The following RPH3AL variants were observed in gnomAD, a reference collection of about 807,000 sequenced individuals.
RPH3AL encodes rabphilin 3A like (without C2 domains), also known as rab effector Noc2.
Under a neutral mutation model 43.1 loss-of-function variants are expected in RPH3AL, and 38 were observed. The ratio of observed to expected loss-of-function variants is 0.88; its 90% CI spans 0.68 to 1.15. RPH3AL has a LOEUF of 1.15. RPH3AL is among the 50% of genes most tolerant of loss of function. RPH3AL has a pLI of 0.00. For synonymous variants in RPH3AL, 189 were observed against 176.3 expected (o/e 1.07, Z -0.57); for missense variants, 462 against 423.2 (o/e 1.09, Z -0.81).
At chr17:269,732 G>T (rs763730746) in intron 6 of RPH3AL, among the ~76,000 whole-genome samples, 1 of 152,234 alleles carries the variant, frequency 6.6e-6, no homozygotes, top group African/African-American at 2.4e-5. Context: ...TGCTATGAAC[G>T]ATGGGAGTCC....
intron 7 of RPH3AL, among the ~76,000 whole-genome samples, chr17:228,636 T>C (rs954274104): frequency 1.3e-5 from 2 of 152,178 alleles, no homozygotes; most frequent in Admixed American, 6.5e-5. Context: ...GGACACAGGA[T>C]GCCTTCAGAA....
intron 3 of RPH3AL, among the ~76,000 whole-genome samples, chr17:327,019 G>A (rs901410211): frequency 2.0e-5 from 3 of 152,198 alleles, no homozygotes; most frequent in Admixed American, 6.5e-5. Context: ...TTGTTCCCCC[G>A]TCTGACAGTG....
At chr17:331,803 G>A in intron 2 of RPH3AL, 1 of 1,289,084 alleles carries the variant, frequency 7.8e-7, no homozygotes, top group African/African-American at 1.5e-5. Flanking sequence ...TTAAAAGCAG[G>A]GTCCTGAAAA....
rs576312448 is a variant in RPH3AL at position 332,856 on chromosome 17, C to T, written c.-37+903G>A. The T allele has an allele frequency of 5.0e-5, 24 of 478,202 alleles. No homozygotes were observed. In the East Asian group the frequency reaches 5.7e-4, roughly 11 times the overall value. The allele number at this position is 478,202 out of a possible 1,614,324, so 29.6% of individuals were successfully genotyped here. On this transcript the variant is annotated intron_variant, in intron 2 of 9. Transcript: ENST00000331302. ...ACACACGCTGAGCAGAGGCAGCACT[C>T]GGGCTGGCCGGCCCAGCAGGCAGAT...
intron 8 of RPH3AL, among the ~76,000 whole-genome samples, chr17:219,055 G>A (rs1429776641): frequency 6.6e-6 from 1 of 152,098 alleles, no homozygotes; most frequent in East Asian, 1.9e-4. Context: ...ACCCTGCTGT[G>A]TGTACAGAAG....
In RPH3AL at chr17:243,161, A is replaced by C. The variant is rs1334651953; in HGVS notation, c.613+3950T>G. ...ACTGATTGCCCCTCCTCTATTGATT[A>C]CCTTCCTCTATTGATTACCCTTCCT... On this transcript the variant is annotated intron_variant, in intron 7 of 9. Coordinates refer to ENST00000331302, the MANE Select transcript of RPH3AL (RefSeq NM_006987.4). Among the ~76,000 whole-genome samples the C allele has an allele frequency of 6.5e-4, 73 of 111,756 alleles. 1 individual carries two copies. Among genetic ancestry groups the C allele is most frequent in the South Asian group, 1.3e-3 (4 of 3,024 alleles). The allele number at this position is 111,756 out of a possible 152,430, so 73.3% of individuals were successfully genotyped here. A position where few individuals can be genotyped will look rare whatever the true frequency, so the allele number is the denominator to read the frequency against.
At position 215,009 on chromosome 17, in the gene RPH3AL, C is replaced by A. The variant is rs776172074; in HGVS notation, c.876+645G>T. On this transcript the variant is annotated intron_variant, in intron 9 of 9. Transcript: ENST00000331302. This position sits in a 1 kb window ranked among gnomAD's most constrained non-coding sequence, Gnocchi z 4.1. ...TGGGGAAGGAGAGAGGTGCGGCAGG[C>A]GTTCCTGTGGGTGGCTGCCGGGTGC... is the stretch of plus-strand genomic sequence containing the variant. 1.6e-4 allele frequency among the ~76,000 whole-genome samples: 25 copies of A among 152,256 alleles called. No individual in the cohort carries two copies. The highest frequency in any genetic ancestry group is 3.4e-3 in the Middle Eastern group (1 of 294).
At chr17:249,094 C>G (rs781976604) in intron 6 of RPH3AL, among the ~76,000 whole-genome samples, 1 of 152,106 alleles carries the variant, frequency 6.6e-6, no homozygotes, top group Non-Finnish European at 1.5e-5. Flanking sequence ...GAGTTAAGGT[C>G]CCTAAATTTG....
In RPH3AL at chr17:225,015, A is replaced by G. The variant is rs1430308939; in HGVS notation, c.614-5279T>C. 1.3e-5 allele frequency among the ~76,000 whole-genome samples: 2 copies of G among 151,784 alleles called. No individual in the cohort carries two copies. The highest frequency in any genetic ancestry group is 4.8e-5 in the African/African-American group (2 of 41,284). ...GCGTTAGGAGATATACCTAATGTAAATGACGAGTTAATGGGTGCAGCACAC... is the reference window on the plus strand; with the variant it reads ...GCGTTAGGAGATATACCTAATGTAAGTGACGAGTTAATGGGTGCAGCACAC... On this transcript the variant is annotated intron_variant, in intron 7 of 9. Coordinates refer to ENST00000331302, the MANE Select transcript of RPH3AL (RefSeq NM_006987.4). This position sits in a 1 kb window ranked among gnomAD's most constrained non-coding sequence, Gnocchi z 4.4.
At chr17:262,777 G>T (rs1180211477) in intron 6 of RPH3AL, among the ~76,000 whole-genome samples, 1 of 152,136 alleles carries the variant, frequency 6.6e-6, no homozygotes, top group Non-Finnish European at 1.5e-5. Context: ...TATTCCCCCT[G>T]CCCTAAATCA....
intron 2 of RPH3AL, among the ~76,000 whole-genome samples, chr17:327,818 A>AGG (rs1481878377): frequency 6.6e-6 from 1 of 152,212 alleles, no homozygotes; most frequent in African/African-American, 2.4e-5. Context: ...GAGTGACAAG[A>AGG]GTGAACATGA....
intron 1 of RPH3AL, among the ~76,000 whole-genome samples, chr17:347,268 AAAAT>A (rs1185017899): frequency 1.3e-5 from 2 of 152,044 alleles, no homozygotes; most frequent in African/African-American, 4.8e-5. Flanking sequence ...AGATTTTAAA[AAAAT>A]AAATAAATAA....
At position 264,152 on chromosome 17, in the gene RPH3AL, C is replaced by T. The variant is rs1294477480; in HGVS notation, c.439-16867G>A. 6.6e-6 allele frequency among the ~76,000 whole-genome samples: 1 copy of T among 152,236 alleles called. No individual in the cohort carries two copies. Among genetic ancestry groups the T allele is most frequent in the East Asian group, 1.9e-4 (1 of 5,196 alleles). ...ACAAGCTCAGCAAACGTGAGGTGTA[C>T]TGAGGTAACATACACACTTGTTTCT... On this transcript the variant is annotated intron_variant, in intron 6 of 9. Transcript: ENST00000331302. This position sits in a 1 kb window ranked among gnomAD's most constrained non-coding sequence, Gnocchi z 4.8.
rs1027919382 is a variant in RPH3AL, at chr17:323,660, C to G, written c.78-2245G>C. 1.1e-4 allele frequency among the ~76,000 whole-genome samples: 17 copies of G among 152,160 alleles called. No individual in the cohort carries two copies. Among genetic ancestry groups the G allele is most frequent in the African/African-American group, 3.9e-4 (16 of 41,440 alleles). ...AGAAAGGAAGGGTCCCAGGAACACA[C>G]AGAAGGAGGGACAGAAGCATCAGCA... On this transcript the variant is annotated intron_variant, in intron 3 of 9. Transcript: ENST00000331302. This position sits in a 1 kb window ranked among gnomAD's most constrained non-coding sequence, Gnocchi z 4.4.
intron 7 of RPH3AL, 70 bp from the exon 8 acceptor site, chr17:219,806 C>A: frequency 1.7e-6 from 2 of 1,153,310 alleles, no homozygotes; most frequent in Non-Finnish European, 2.6e-6. Context: ...GACGGAGGGA[C>A]GAGGGCAGGC....
rs569355304 is a variant in RPH3AL at position 286,735 on chromosome 17, G to A, written c.352-4881C>T. On this transcript the variant is annotated intron_variant, in intron 5 of 9. Transcript: ENST00000331302. ...CCCAGGGGTGGCCACTCACTTCCCT[G>A]CCTGAGATGGGCTTCCTCGGAGTGG... Among the ~76,000 whole-genome samples the A allele has an allele frequency of 7.9e-5, 12 of 152,296 alleles. No homozygotes were observed. The East Asian group carries it at 1.3e-3, about 17-fold the overall frequency.
intron 5 of RPH3AL, among the ~76,000 whole-genome samples, chr17:315,035 T>A (rs1598089377): frequency 6.7e-6 from 1 of 148,872 alleles, no homozygotes; most frequent in East Asian, 2.0e-4. Context: ...TGACCTGTAG[T>A]CCCTGTACTC....
chr17:227,435 G>A (rs1003963979), intron 7 of RPH3AL, among the ~76,000 whole-genome samples: 6 of 151,832 alleles, frequency 4.0e-5, no homozygotes, highest in African/African-American at 1.4e-4. Flanking sequence ...CCAGGGGACA[G>A]GCGTCATGCT....
intron 6 of RPH3AL, among the ~76,000 whole-genome samples, chr17:252,891 G>C (rs1408741370): frequency 6.6e-6 from 1 of 152,184 alleles, no homozygotes; most frequent in Non-Finnish European, 1.5e-5. Context: ...TCAGCTTTGG[G>C]TTTTCTGATG....
Sources: gnomAD v4.1 joint callset for allele counts (sites outside exome capture counted in the v4.1 genomes callset) on GRCh38, gnomAD v4.1.1 for gene constraint, Gnocchi (gnomAD v3.1) non-coding constraint, MANE v1.5 for transcripts, NCBI Gene and HGNC (gene_info 2026-07-23, HGNC 2026-07-21) for gene names.